The following ADAM12 variants were observed in gnomAD, a reference collection of about 807,000 sequenced individuals.
The protein encoded by ADAM12 is disintegrin and metalloproteinase domain-containing protein 12.
ADAM12 carries 70 observed loss-of-function variants against 106.4 expected under a neutral mutation model. The ratio of observed to expected loss-of-function variants is 0.66; its 90% CI spans 0.54 to 0.80. ADAM12 has a LOEUF of 0.80. Among genes scored for constraint, ADAM12 ranks in the 30% least tolerant of loss-of-function variants. The pLI is 0.00. For synonymous variants in ADAM12, 420 were observed against 433.5 expected (o/e 0.97, Z 0.39); for missense variants, 1,010 against 1,171.9 (o/e 0.86, Z 2.02).
At position 126,253,622 on chromosome 10, in the gene ADAM12, A is replaced by AC. The variant is rs370025935; in HGVS notation, c.260+25292dup. 1.3e-3 allele frequency among the ~76,000 whole-genome samples: 198 copies of AC among 151,046 alleles called. 1 individual carries two copies. The highest frequency in any genetic ancestry group is 4.4e-3 in the African/African-American group (179 of 41,030). The stretch of plus-strand genomic sequence containing the variant: ...GCTTGGGCTAAGAGGGGGAACACCC[A>AC]CCCCCCAGAGAAAACCCTGCTCCTC... On this transcript the variant is annotated intron_variant, in intron 3 of 22. Coordinates refer to ENST00000448723, the MANE Select transcript of ADAM12 (RefSeq NM_001288973.2).
intron 3 of ADAM12, among the ~76,000 whole-genome samples, chr10:126,277,751 T>C (rs1412920461): frequency 6.6e-6 from 1 of 152,162 alleles, no homozygotes; most frequent in African/African-American, 2.4e-5. Context: ...TTTCCAAAGC[T>C]TCTGATCTAT....
chr10:126,164,390 G>A (rs1027363193), intron 3 of ADAM12, among the ~76,000 whole-genome samples: 2 of 152,124 alleles, frequency 1.3e-5, no homozygotes, highest in Non-Finnish European at 2.9e-5. Context: ...TTTGGTATTC[G>A]AACAAAGCAT....
chr10:126,293,501 G>T (rs1960241780), intron 2 of ADAM12, among the ~76,000 whole-genome samples: 1 of 152,130 alleles, frequency 6.6e-6, no homozygotes, highest in African/African-American at 2.4e-5. Flanking sequence ...ACAAGTGAAT[G>T]AGCACCCCAT....
intron 3 of ADAM12, among the ~76,000 whole-genome samples, chr10:126,276,649 TA>T (rs1429162332): frequency 6.6e-6 from 1 of 152,240 alleles, no homozygotes; most frequent in Non-Finnish European, 1.5e-5. Context: ...TTGGTACAAG[TA>T]ATACAATTAA....
intron 3 of ADAM12, among the ~76,000 whole-genome samples, chr10:126,211,499 C>G (rs1023409835): frequency 6.6e-6 from 1 of 151,038 alleles, no homozygotes; most frequent in Non-Finnish European, 1.5e-5. Context: ...TCCTGGACCA[C>G]GTGATCCTCG....
chr10:126,034,655 T>A (rs1422161310), intron 21 of ADAM12, among the ~76,000 whole-genome samples: 2 of 152,176 alleles, frequency 1.3e-5, no homozygotes, highest in African/African-American at 4.8e-5. Flanking sequence ...CTATATGCTG[T>A]CTACAAGAAA....
intron 3 of ADAM12, among the ~76,000 whole-genome samples, chr10:126,194,916 A>C (rs1427532253): frequency 6.6e-6 from 1 of 152,242 alleles, no homozygotes; most frequent in African/African-American, 2.4e-5. Flanking sequence ...TTCTGCTGGC[A>C]GGCAACGCTT....
intron 1 of ADAM12, among the ~76,000 whole-genome samples, chr10:126,342,953 T>G (rs949413355): frequency 1.3e-5 from 2 of 152,174 alleles, no homozygotes; most frequent in Non-Finnish European, 2.9e-5. Flanking sequence ...CCTCCTCCTC[T>G]CTGCTGGTCC....
intron 3 of ADAM12, among the ~76,000 whole-genome samples, chr10:126,258,453 A>T (rs1590695690): frequency 6.6e-6 from 1 of 151,632 alleles, no homozygotes. Flanking sequence ...GTGGCCTCCG[A>T]CCTCTGCTCT....
chr10:126,388,170 C>G lies in ADAM12; in HGVS notation c.-25G>C. ...TCGTCGCCGGCCTTCAGTGCAGCAGCTCTCGGGCCCGGCGGCGAGCGCTGC... is the reference window on the plus strand; with the variant it reads ...TCGTCGCCGGCCTTCAGTGCAGCAGGTCTCGGGCCCGGCGGCGAGCGCTGC... On this transcript the variant is annotated 5_prime_UTR_variant, in exon 1 of 23. Transcript: ENST00000448723. This position sits in a 1 kb window ranked among gnomAD's most constrained non-coding sequence, Gnocchi z 4.4. The G allele has an allele frequency of 8.3e-7, 1 of 1,205,352 alleles. No individual in the cohort carries two copies. Among genetic ancestry groups the G allele is most frequent in the Non-Finnish European group, 1.0e-6 (1 of 970,822 alleles). 74.7% of individuals were successfully genotyped at this position (1,205,352 alleles called of 1,614,324 possible).
At chr10:126,082,722 A>C (rs1360840762) in intron 11 of ADAM12, among the ~76,000 whole-genome samples, 1 of 152,128 alleles carries the variant, frequency 6.6e-6, no homozygotes, top group Non-Finnish European at 1.5e-5. Context: ...TCCAAAAACA[A>C]CTTAGCCATT....
At chr10:126,111,350 G>A (rs533817873) in intron 6 of ADAM12, among the ~76,000 whole-genome samples, 1 of 152,232 alleles carries the variant, frequency 6.6e-6, no homozygotes, top group Non-Finnish European at 1.5e-5. Flanking sequence ...TTGCCCCCAT[G>A]GTGCCCACGG....
intron 8 of ADAM12, among the ~76,000 whole-genome samples, chr10:126,107,885 C>T (rs1955803330): frequency 6.6e-6 from 1 of 152,180 alleles, no homozygotes; most frequent in South Asian, 2.1e-4. Context: ...AGCCAACATC[C>T]TCTCCAGCAG....
chr10:126,137,052 TC>T (rs1956418212), intron 4 of ADAM12, among the ~76,000 whole-genome samples: 3 of 152,212 alleles, frequency 2.0e-5, no homozygotes, highest in Admixed American at 6.5e-5. Context: ...TTCTTTATTT[TC>T]TTCTATCTTT....
chr10:126,383,659 C>G (rs1312393108), intron 1 of ADAM12, among the ~76,000 whole-genome samples: 1 of 152,042 alleles, frequency 6.6e-6, no homozygotes, highest in Non-Finnish European at 1.5e-5. Context: ...CCATCAACTT[C>G]TCAAGCAGTA....
At chr10:126,206,705 G>A (rs1957801123) in intron 3 of ADAM12, among the ~76,000 whole-genome samples, 1 of 152,202 alleles carries the variant, frequency 6.6e-6, no homozygotes, top group Middle Eastern at 3.2e-3. Context: ...CATGCTCTGA[G>A]TTCTAAGTAT....
intron 3 of ADAM12, among the ~76,000 whole-genome samples, chr10:126,265,653 C>T (rs902862676): frequency 1.1e-4 from 16 of 152,054 alleles, no homozygotes; most frequent in Non-Finnish European, 2.2e-4. Context: ...AAACACAGGG[C>T]CCAGAGGAAC....
At position 126,079,727 on chromosome 10, in the gene ADAM12, A is replaced by G. The variant is rs1030358409; in HGVS notation, c.1146-8073T>C. 3.9e-5 allele frequency among the ~76,000 whole-genome samples: 6 copies of G among 152,226 alleles called. No homozygotes were observed. In the South Asian group the frequency reaches 8.3e-4, roughly 21 times the overall value. ...TGGGCCACTTGTCATATCCTAAAAAATAATTCTGTTTTGCTCTCTTGTCCC... is the reference window on the plus strand; with the variant it reads ...TGGGCCACTTGTCATATCCTAAAAAGTAATTCTGTTTTGCTCTCTTGTCCC... On this transcript the variant is annotated intron_variant, in intron 11 of 22. Coordinates refer to ENST00000448723, the MANE Select transcript of ADAM12 (RefSeq NM_001288973.2).
At chr10:126,351,696 G>A (rs1178323662) in intron 1 of ADAM12, among the ~76,000 whole-genome samples, 2 of 152,144 alleles carry the variant, frequency 1.3e-5, no homozygotes, top group Admixed American at 6.5e-5. Flanking sequence ...CCTGGTTGAT[G>A]GGTTTGGATC....
Sources: allele counts gnomAD v4.1 joint callset (sites outside exome capture counted in the v4.1 genomes callset), GRCh38; gene constraint gnomAD v4.1.1; non-coding constraint Gnocchi (gnomAD v3.1); transcripts MANE v1.5; gene names NCBI Gene and HGNC (gene_info 2026-07-23, HGNC 2026-07-21).